Variants in MGAT1 observed in about 807,000 individuals in gnomAD.
MGAT1 encodes the protein N-glycosyl-oligosaccharide-glycoprotein N-acetylglucosaminyltransferase I.
Under a neutral mutation model 31.7 loss-of-function variants are expected in MGAT1, and 14 were observed. That is an observed-to-expected ratio of 0.44 (90% CI 0.29 to 0.69). The LOEUF (loss-of-function observed/expected upper bound fraction) is 0.69, where lower values mean the gene tolerates loss of function less well. Ranked by LOEUF, MGAT1 falls within the 30% of genes least tolerant of loss-of-function variation. MGAT1 has a pLI of 0.12. For synonymous variants in MGAT1, 338 were observed against 276.0 expected, an observed-to-expected ratio of 1.22 and a Z score of -2.23; for missense variants, 557 against 626.0, an observed-to-expected ratio of 0.89 and a Z score of 1.18.
At position 180,791,886 on chromosome 5, in the gene MGAT1, G is replaced by A; in HGVS notation, c.1086C>T (p.Val362=). Residue 362 remains valine, a synonymous_variant, in exon 2 of 2, where the codon GTC becomes GTT. Coordinates refer to ENST00000307826, the MANE Select transcript of MGAT1 (RefSeq NM_002406.4). ...CCACCTGCAGCTGGGGAGCACCGTA[G>A]ACGCGGGCGAGGAAATCTCGGTCAT... ...EAYDRDFLAR[V]YGAPQLQVEK... is the part of the protein sequence containing the mutation. 1 of 1,614,222 alleles carries A rather than the reference G, an allele frequency of 6.2e-7. No homozygotes were observed. Among genetic ancestry groups the A allele is most frequent in the Non-Finnish European group, 8.5e-7 (1 of 1,180,046 alleles).
At chr5:180,814,629 C>G (rs1179041313) in intron 1 of MGAT1, among the ~76,000 whole-genome samples, 5 of 152,134 alleles carry the variant, frequency 3.3e-5, no homozygotes, top group Admixed American at 2.6e-4. Flanking sequence ...TAGTCTGTTT[C>G]TATTGCTTAT....
At chr5:180,793,122 A>C in intron 1 of MGAT1, 25 bp from the exon 2 acceptor site, 1 of 941,354 alleles carries the variant, frequency 1.1e-6, no homozygotes, top group Non-Finnish European at 1.6e-6. Context: ...GAGAAAGCAA[A>C]CCGTCACACA....
intron 1 of MGAT1, among the ~76,000 whole-genome samples, chr5:180,814,183 A>C (rs1047507796): frequency 6.6e-6 from 1 of 152,178 alleles, no homozygotes; most frequent in Non-Finnish European, 1.5e-5. Context: ...TACCCTGGCG[A>C]GTATTCTTTG....
chr5:180,808,046 T>C (rs1284013258), intron 2 of MGAT1, among the ~76,000 whole-genome samples: 1 of 152,222 alleles, frequency 6.6e-6, no homozygotes, highest in Non-Finnish European at 1.5e-5. Context: ...GAAGAGAACA[T>C]GGCCTGTGTA....
intron 1 of MGAT1, among the ~76,000 whole-genome samples, chr5:180,797,473 T>C (rs999065437): frequency 4.2e-5 from 6 of 142,122 alleles, no homozygotes; most frequent in African/African-American, 1.6e-4. Flanking sequence ...GACTCATCAA[T>C]GACCTGCAGG....
intron 1 of MGAT1, among the ~76,000 whole-genome samples, chr5:180,796,716 A>C (rs936309171): frequency 6.6e-6 from 1 of 151,382 alleles, no homozygotes; most frequent in African/African-American, 2.4e-5. Flanking sequence ...GGCTCAAGCG[A>C]CTCTCTTGCC....
In MGAT1 at chr5:180,791,209, A is replaced by T; in HGVS notation, c.*425T>A. On this transcript the variant is annotated 3_prime_UTR_variant, in exon 2 of 2. Transcript: ENST00000307826. ...AATATGTCCCCTTCTCCCATAACTC[A>T]GTCCCCACTGGGGGAAGGGGAGCAG... is the stretch of plus-strand genomic sequence containing the variant. 5.3e-6 allele frequency: 1 copy of T among 187,440 alleles called. No homozygotes were observed. Among genetic ancestry groups the T allele is most frequent in the South Asian group, 1.4e-4 (1 of 7,344 alleles). The allele number at this position is 187,440 out of a possible 1,614,324, so 11.6% of individuals were successfully genotyped here.
chr5:180,786,189 C>T lies in MGAT1; in HGVS notation c.*5445G>A, dbSNP rs906768275. On this transcript the variant is annotated 3_prime_UTR_variant, in exon 2 of 2. Transcript: ENST00000307826. ...ATGTGCCCTTGTCAGTCAGCACTTC[C>T]GGGGCTGTGTGTGGCCTTCAGGAAT... is the stretch of plus-strand genomic sequence containing the variant. 2.0e-5 allele frequency: 3 copies of T among 152,270 alleles called. No homozygotes were observed. Among genetic ancestry groups the T allele is most frequent in the African/African-American group, 4.8e-5 (2 of 41,450 alleles). 9.4% of individuals were successfully genotyped at this position (152,270 alleles called of 1,614,324 possible).
At chr5:180,804,752 GGACA>G (rs1412905089), upstream of MGAT1, among the ~76,000 whole-genome samples, 1 of 152,202 alleles carries the variant, frequency 6.6e-6, no homozygotes. Flanking sequence ...CCAGGAGAAA[GGACA>G]GACATCAGGG....
upstream of MGAT1, among the ~76,000 whole-genome samples, chr5:180,804,486 A>T (rs2094132795): frequency 6.6e-6 from 1 of 152,190 alleles, no homozygotes; most frequent in Non-Finnish European, 1.5e-5. Flanking sequence ...ATGTGCGGGA[A>T]GCCCGTGGCT....
chr5:180,792,992 G>A lies in MGAT1; in HGVS notation c.-21C>T. The A allele has an allele frequency of 6.2e-7, 1 of 1,611,970 alleles. No individual in the cohort carries two copies. Among genetic ancestry groups the A allele is most frequent in the Non-Finnish European group, 8.5e-7 (1 of 1,179,544 alleles). On this transcript the variant is annotated 5_prime_UTR_variant, in exon 2 of 2. Transcript: ENST00000307826. Reference sequence around the variant, plus strand: ...AGCATCCTGGCCCCCACCGGGGAGGGCAGGCCAGGGGACGGTTCAAGGCTG... The same window carrying A: ...AGCATCCTGGCCCCCACCGGGGAGGACAGGCCAGGGGACGGTTCAAGGCTG...
At chr5:180,806,442 G>A (rs1771884793), upstream of MGAT1, among the ~76,000 whole-genome samples, 1 of 152,210 alleles carries the variant, frequency 6.6e-6, no homozygotes, top group Non-Finnish European at 1.5e-5. Flanking sequence ...CAGGTGCAGG[G>A]CAGGAGGGTG....
intron 1 of MGAT1, among the ~76,000 whole-genome samples, chr5:180,799,044 C>T (rs117282100): frequency 1.3e-5 from 2 of 152,276 alleles, no homozygotes; most frequent in East Asian, 3.9e-4. Flanking sequence ...GCTGGTCCAC[C>T]TGTCACTAAT....
intron 1 of MGAT1, chr5:180,811,474 T>C (rs1050949074): frequency 6.6e-5 from 10 of 152,224 alleles, no homozygotes; most frequent in African/African-American, 2.4e-4. Context: ...GTCTTTCCCA[T>C]GGGCATTAAT....
upstream of MGAT1, among the ~76,000 whole-genome samples, chr5:180,804,638 T>C (rs1341000760): frequency 1.3e-5 from 2 of 152,180 alleles, no homozygotes; most frequent in African/African-American, 2.4e-5. Flanking sequence ...ACACTCACAC[T>C]AGGTGTCAAG....
chr5:180,793,132 A>G (rs1768602016), intron 1 of MGAT1, 35 bp from the exon 2 acceptor site: 2 of 875,426 alleles, frequency 2.3e-6, no homozygotes, highest in African/African-American at 3.4e-5. Context: ...ACCGTCACAC[A>G]AAGGCTCGTG....
At position 180,792,878 on chromosome 5, in the gene MGAT1, G is replaced by A; in HGVS notation, c.94C>T (p.Pro32Ser). 1.3e-6 allele frequency: 2 copies of A among 1,592,292 alleles called. No individual in the cohort carries two copies. The highest frequency in any genetic ancestry group is 1.7e-6 in the Non-Finnish European group (2 of 1,170,074). The change falls in exon 2 of 2, where the codon CCA becomes TCA. Residue 32 changes from proline (P) to serine (S), a missense_variant. Pro to Ser is a moderately conservative substitution (Grantham distance 74). Around this residue, in one of 3 missense-constraint regions of MGAT1, gnomAD observed 167 missense variants for 149.8 expected, o/e 1.11. Coordinates refer to ENST00000307826, the MANE Select transcript of MGAT1 (RefSeq NM_002406.4). ...ACTGAGGGTGGCCTGCCAGGTGCTG[G>A]GCGCGTCCAGAAGAAGAGGAGCAGC... ...ALLLLFFWTR[P>S]APGRPPSVSA...
chr5:180,803,660 G>A (rs180891743), upstream of MGAT1: 12 of 152,398 alleles, frequency 7.9e-5, no homozygotes, highest in Admixed American at 7.2e-4. Flanking sequence ...GAAGACCAGG[G>A]GCTCCAGCGC....
chr5:180,814,306 C>T (rs570490148), intron 1 of MGAT1, among the ~76,000 whole-genome samples: 1 of 152,360 alleles, frequency 6.6e-6, no homozygotes, highest in South Asian at 2.1e-4. Context: ...GAAACAACCA[C>T]ACTCACTTGT....
Sources: gnomAD v4.1 joint callset for allele counts (sites outside exome capture counted in the v4.1 genomes callset) on GRCh38, gnomAD v4.1.1 for gene constraint, gnomAD v4.1.1 regional missense constraint, MANE v1.5 for transcripts, NCBI Gene and HGNC (gene_info 2026-07-23, HGNC 2026-07-21) for gene names.